Variants in NAALADL2 observed in about 807,000 individuals in gnomAD.
NAALADL2 encodes inactive N-acetylated-alpha-linked acidic dipeptidase-like protein 2.
NAALADL2 carries 76 observed loss-of-function variants against 87.2 expected under a neutral mutation model. That is an observed-to-expected ratio of 0.87 (90% CI 0.72 to 1.05). NAALADL2 has a LOEUF of 1.05. Ranked by LOEUF, NAALADL2 falls within the 50% of genes least tolerant of loss-of-function variation. NAALADL2 has a pLI of 0.00. For missense variants in NAALADL2, 1,089 were observed against 945.8 expected, an observed-to-expected ratio of 1.15 and a Z score of -1.99; for synonymous variants, 354 against 331.0, an observed-to-expected ratio of 1.07 and a Z score of -0.75.
At position 175,234,274 on chromosome 3, in the gene NAALADL2, T is replaced by C. The variant is rs80167120; in HGVS notation, c.819+70T>C. 237 of 1,475,096 alleles carry C rather than the reference T, an allele frequency of 1.6e-4. 1 individual carries two copies. The African/African-American group carries it at 2.9e-3, about 18-fold the overall frequency. 91.4% of individuals were successfully genotyped at this position (1,475,096 alleles called of 1,614,324 possible). ...AGAAAATAACAGCTTTCATCTAAAT[T>C]GAACTAACTGTCAAGATGCAACATA... On this transcript the variant is annotated intron_variant, in intron 3 of 13. Transcript: ENST00000454872.
At chr3:174,649,351 T>G (rs73172583) in intron 2 of NAALADL2, among the ~76,000 whole-genome samples, 28,277 of 152,140 alleles carry the variant, frequency 0.19, 2,868 homozygotes, top group South Asian at 0.26. Flanking sequence ...GAAATTAGAT[T>G]AGCATACTTG....
intron 1 of NAALADL2, among the ~76,000 whole-genome samples, chr3:174,872,051 A>G (rs550340934): frequency 6.6e-6 from 1 of 152,322 alleles, no homozygotes; most frequent in South Asian, 2.1e-4. Context: ...AGGTTCTTCA[A>G]AGCTTATATG....
intron 5 of NAALADL2, among the ~76,000 whole-genome samples, chr3:175,419,213 G>A (rs1208455912): frequency 1.3e-5 from 2 of 151,720 alleles, no homozygotes; most frequent in East Asian, 3.9e-4. Context: ...CTTCTCAGTT[G>A]CATATGACAA....
chr3:175,610,527 T>C (rs868709415), intron 10 of NAALADL2, among the ~76,000 whole-genome samples: 25 of 152,158 alleles, frequency 1.6e-4, no homozygotes, highest in African/African-American at 6.0e-4. Context: ...ATTCTAGTTT[T>C]CTGGTCTTCC....
chr3:175,595,224 G>A (rs62284496), intron 10 of NAALADL2, among the ~76,000 whole-genome samples: 19,557 of 152,068 alleles, frequency 0.13, 1,409 homozygotes, highest in Non-Finnish European at 0.17. Context: ...TGAGTATCCA[G>A]TTATTCCAGC....
chr3:174,861,761 T>C (rs1726535559), intron 1 of NAALADL2, among the ~76,000 whole-genome samples: 2 of 152,088 alleles, frequency 1.3e-5, no homozygotes, highest in Non-Finnish European at 2.9e-5. Flanking sequence ...ATAGATATTA[T>C]CAATGATTAT....
At chr3:175,653,534 C>T (rs1731065413) in intron 11 of NAALADL2, among the ~76,000 whole-genome samples, 1 of 152,132 alleles carries the variant, frequency 6.6e-6, no homozygotes, top group Admixed American at 6.5e-5. Context: ...TTGCGTTTCT[C>T]CAAGACATGT....
chr3:175,740,724 A>G (rs774779535), intron 12 of NAALADL2, among the ~76,000 whole-genome samples: 1 of 152,192 alleles, frequency 6.6e-6, no homozygotes, highest in Non-Finnish European at 1.5e-5. Flanking sequence ...ATAAACAAGC[A>G]TTGTACCTAG....
chr3:175,400,004 G>A (rs973614780), intron 5 of NAALADL2, among the ~76,000 whole-genome samples: 6 of 152,108 alleles, frequency 3.9e-5, no homozygotes, highest in Admixed American at 2.6e-4. Flanking sequence ...CATCAAACAT[G>A]TTGAGAGCAA....
chr3:175,552,057 A>C (rs1244027476), intron 9 of NAALADL2, among the ~76,000 whole-genome samples: 1 of 152,058 alleles, frequency 6.6e-6, no homozygotes, highest in Non-Finnish European at 1.5e-5. Context: ...GCTTAAACCT[A>C]TGTGTATATA....
chr3:175,109,570 A>T (rs1723827867), intron 2 of NAALADL2, among the ~76,000 whole-genome samples: 1 of 151,834 alleles, frequency 6.6e-6, no homozygotes, highest in African/African-American at 2.4e-5. Flanking sequence ...AGGGAGGGAA[A>T]GAAAGAGGGA....
intron 1 of NAALADL2, among the ~76,000 whole-genome samples, chr3:174,961,715 G>A (rs544400181): frequency 3.3e-5 from 5 of 152,150 alleles, no homozygotes; most frequent in African/African-American, 9.6e-5. Flanking sequence ...AGTAGAAGAC[G>A]TCTGGCAGGC....
chr3:174,836,350 G>T (rs1723324667), intron 3 of NAALADL2, among the ~76,000 whole-genome samples: 1 of 152,072 alleles, frequency 6.6e-6, no homozygotes, highest in Admixed American at 6.6e-5. Context: ...ATGGTGAGCT[G>T]TTTAATGGGT....
chr3:175,282,297 G>C (rs1754411207), intron 4 of NAALADL2, among the ~76,000 whole-genome samples: 1 of 151,914 alleles, frequency 6.6e-6, no homozygotes, highest in Non-Finnish European at 1.5e-5. Flanking sequence ...ATCCTTTACT[G>C]TTCTGTTACT....
chr3:175,669,949 C>A (rs1298137561), intron 11 of NAALADL2, among the ~76,000 whole-genome samples: 1 of 151,816 alleles, frequency 6.6e-6, no homozygotes, highest in Non-Finnish European at 1.5e-5. Flanking sequence ...TTTAAAACAC[C>A]CCTTTCAGTG....
chr3:174,878,668 G>A (rs1052752984), intron 1 of NAALADL2, among the ~76,000 whole-genome samples: 5 of 151,712 alleles, frequency 3.3e-5, no homozygotes, highest in South Asian at 2.1e-4. Context: ...CTGTTCTGCC[G>A]CTCTTTTCTA....
intron 1 of NAALADL2, among the ~76,000 whole-genome samples, chr3:175,012,888 AAAC>A (rs778977732): frequency 1.5e-3 from 219 of 150,778 alleles, no homozygotes; most frequent in Non-Finnish European, 2.0e-3. Context: ...AACATTTCAG[AAAC>A]AAAACCACTT....
chr3:175,105,950 C>G (rs1274738787), intron 2 of NAALADL2, among the ~76,000 whole-genome samples: 1 of 152,004 alleles, frequency 6.6e-6, no homozygotes, highest in Admixed American at 6.6e-5. Context: ...CAAAGTGGAT[C>G]CCCTCACAGG....
chr3:175,238,302 A>C (rs1746258456), intron 3 of NAALADL2, among the ~76,000 whole-genome samples: 1 of 152,130 alleles, frequency 6.6e-6, no homozygotes, highest in Non-Finnish European at 1.5e-5. Flanking sequence ...AAAACTTTTA[A>C]AATGCAGCTG....
Sources: allele counts gnomAD v4.1 joint callset (sites outside exome capture counted in the v4.1 genomes callset), GRCh38; gene constraint gnomAD v4.1.1; transcripts MANE v1.5; gene names NCBI Gene and HGNC (gene_info 2026-07-23, HGNC 2026-07-21).